The following CYP4X1 variants were observed in gnomAD, a reference collection of about 807,000 sequenced individuals.
CYP4X1 encodes cytochrome P450 family 4 subfamily X member 1.
CYP4X1 carries 44 observed loss-of-function variants against 57.9 expected under a neutral mutation model. That is an observed-to-expected ratio of 0.76 (90% CI 0.60 to 0.98). CYP4X1 has a LOEUF of 0.98. Among genes scored for constraint, CYP4X1 ranks in the 50% least tolerant of loss-of-function variants. The probability of loss-of-function intolerance (pLI) is 0.00; values close to 1 mark genes in which losing one functional copy is unlikely to be tolerated. For synonymous variants in CYP4X1, 227 were observed against 228.6 expected (o/e 0.99, Z 0.06); for missense variants, 532 against 623.9 (o/e 0.85, Z 1.57).
At chr1:47,047,732 G>A (rs1012990265) in intron 9 of CYP4X1, among the ~76,000 whole-genome samples, 1 of 152,106 alleles carries the variant, frequency 6.6e-6, no homozygotes, top group Non-Finnish European at 1.5e-5. Context: ...CTCCCGAGTA[G>A]CTGGGATTAC....
the CYP4X1 span, among the ~76,000 whole-genome samples, chr1:46,966,832 A>T: frequency 2.6e-5 from 4 of 152,214 alleles, no homozygotes; most frequent in Non-Finnish European, 4.4e-5. Flanking sequence ...GAGAAGGGTG[A>T]ATGTCATTCA....
the CYP4X1 span, among the ~76,000 whole-genome samples, chr1:46,979,181 C>A: frequency 6.8e-4 from 104 of 152,210 alleles, no homozygotes; most frequent in Middle Eastern, 3.4e-3. Flanking sequence ...ATCAAGGAAT[C>A]CAGGAGCTGG....
chr1:47,053,092 A>G (rs1407429273), downstream of CYP4X1, among the ~76,000 whole-genome samples: 5 of 149,658 alleles, frequency 3.3e-5, no homozygotes, highest in Non-Finnish European at 7.4e-5. Flanking sequence ...AACAGTCCCC[A>G]GTGTGTGATG....
chr1:47,020,201 G>A (rs924914005), upstream of CYP4X1, among the ~76,000 whole-genome samples: 1 of 152,154 alleles, frequency 6.6e-6, no homozygotes, highest in Non-Finnish European at 1.5e-5. Flanking sequence ...CCACCATGTA[G>A]AATGCCCTTT....
the CYP4X1 span, among the ~76,000 whole-genome samples, chr1:47,002,077 G>C: frequency 6.6e-6 from 1 of 152,340 alleles, no homozygotes; most frequent in South Asian, 2.1e-4. Context: ...GCCAGGGACA[G>C]GGACACTCAA....
chr1:47,011,383 C>T, the CYP4X1 span, among the ~76,000 whole-genome samples: 2 of 152,260 alleles, frequency 1.3e-5, no homozygotes, highest in African/African-American at 2.4e-5. Flanking sequence ...GGATCTCTTC[C>T]TTACACTTTA....
At chr1:47,046,231 C>T (rs1015454829) in intron 8 of CYP4X1, among the ~76,000 whole-genome samples, 1 of 152,184 alleles carries the variant, frequency 6.6e-6, no homozygotes, top group African/African-American at 2.4e-5. Flanking sequence ...AAATGTTTTA[C>T]TGCTAGTTTA....
chr1:46,963,898 G>T, the CYP4X1 span, among the ~76,000 whole-genome samples: 1 of 152,074 alleles, frequency 6.6e-6, no homozygotes. Flanking sequence ...ACATAGATTT[G>T]GTCTCTTCAC....
At chr1:46,978,531 C>T in the CYP4X1 span, among the ~76,000 whole-genome samples, 1 of 152,126 alleles carries the variant, frequency 6.6e-6, no homozygotes. Flanking sequence ...TAATGGGAGA[C>T]TTTAACACCC....
chr1:47,022,234 G>A (rs1644004579), upstream of CYP4X1, among the ~76,000 whole-genome samples: 1 of 151,842 alleles, frequency 6.6e-6, no homozygotes, highest in Non-Finnish European at 1.5e-5. Flanking sequence ...AACATGCAAG[G>A]GGCCAGGACG....
upstream of CYP4X1, among the ~76,000 whole-genome samples, chr1:47,019,114 A>G (rs1643971271): frequency 6.6e-6 from 1 of 152,332 alleles, no homozygotes; most frequent in East Asian, 1.9e-4. Flanking sequence ...CTATATGTCT[A>G]TGTGTAAGTG....
At chr1:47,009,661 T>A in the CYP4X1 span, among the ~76,000 whole-genome samples, 2 of 152,022 alleles carry the variant, frequency 1.3e-5, no homozygotes, top group African/African-American at 4.8e-5. Context: ...GATAGACCAC[T>A]AGCAAGACTA....
rs868170824 is a variant in CYP4X1, at chr1:47,036,276, T to A, written c.775+105T>A. The A allele has an allele frequency of 3.0e-6, 4 of 1,350,542 alleles. No homozygotes were observed. In the African/African-American group the frequency reaches 5.9e-5, roughly 20 times the overall value. 83.7% of individuals were successfully genotyped at this position (1,350,542 alleles called of 1,614,324 possible). On this transcript the variant is annotated intron_variant, in intron 6 of 11. Coordinates refer to ENST00000371901, the MANE Select transcript of CYP4X1 (RefSeq NM_178033.2). ...ATGACAAGAGAAAGAATCTTTGTTATTAATGGAGCTTTTATATAGACACTG... is the reference window on the plus strand; with the variant it reads ...ATGACAAGAGAAAGAATCTTTGTTAATAATGGAGCTTTTATATAGACACTG...
the CYP4X1 span, among the ~76,000 whole-genome samples, chr1:47,017,326 CA>C: frequency 6.6e-6 from 1 of 152,090 alleles, no homozygotes; most frequent in Non-Finnish European, 1.5e-5. Context: ...CAAATGAAAA[CA>C]GGGATGAAAT....
the CYP4X1 span, among the ~76,000 whole-genome samples, chr1:46,969,041 T>C: frequency 6.6e-6 from 1 of 152,158 alleles, no homozygotes; most frequent in Non-Finnish European, 1.5e-5. Context: ...GATTCCATTT[T>C]GGAGATGGGT....
chr1:47,035,754 G>A (rs1384250453), intron 4 of CYP4X1, 52 bp from the exon 5 acceptor site: 3 of 1,573,098 alleles, frequency 1.9e-6, no homozygotes, highest in African/African-American at 2.7e-5. Context: ...TCAAATGAAG[G>A]CAATTTGGTC....
rs75189652 is a variant in CYP4X1 at position 47,027,752 on chromosome 1, G to A, written c.178-2238G>A. Among the ~76,000 whole-genome samples the A allele has an allele frequency of 3.7e-3, 559 of 152,294 alleles. 8 individuals carry two copies. Among genetic ancestry groups the A allele is most frequent in the African/African-American group, 0.013 (530 of 41,554 alleles). The stretch of plus-strand genomic sequence containing the variant: ...CTTGGAGCTTTGAACATGCACGTCT[G>A]TGGTTATATTGCTCTCCCTGCAAAT... On this transcript the variant is annotated intron_variant, in intron 1 of 11. Transcript: ENST00000371901.
At chr1:46,971,039 G>A in the CYP4X1 span, among the ~76,000 whole-genome samples, 3 of 152,282 alleles carry the variant, frequency 2.0e-5, no homozygotes, top group African/African-American at 7.2e-5. Flanking sequence ...CAGATAAAAA[G>A]CATTGTATTC....
At chr1:47,031,524 G>T (rs778639762) in intron 3 of CYP4X1, 44 bp downstream of exon 3, 1 of 1,601,810 alleles carries the variant, frequency 6.2e-7, no homozygotes, top group African/African-American at 1.3e-5. Context: ...CTCATTCAAA[G>T]TCCCCTTTCC....
Sources: allele counts gnomAD v4.1 joint callset (sites outside exome capture counted in the v4.1 genomes callset), GRCh38; gene constraint gnomAD v4.1.1; transcripts MANE v1.5; gene names NCBI Gene and HGNC (gene_info 2026-07-23, HGNC 2026-07-21).